The following RAPGEF5 variants were observed in gnomAD, a reference collection of about 807,000 sequenced individuals.
The protein encoded by RAPGEF5 is M-Ras-regulated GEF.
A neutral mutation model predicts 125.2 loss-of-function variants in RAPGEF5; 65 were observed. The observed-to-expected ratio is 0.52, with a 90% confidence interval of 0.43 to 0.64. The LOEUF (loss-of-function observed/expected upper bound fraction) is 0.64. Ranked by LOEUF, RAPGEF5 falls within the 30% of genes least tolerant of loss-of-function variation. The probability of loss-of-function intolerance (pLI) is 0.00; values close to 1 mark genes in which losing one functional copy is unlikely to be tolerated. For missense variants in RAPGEF5, 958 were observed against 1,048.1 expected, an observed-to-expected ratio of 0.91 and a Z score of 1.19; for synonymous variants, 391 against 385.9, an observed-to-expected ratio of 1.01 and a Z score of -0.16.
intron 6 of RAPGEF5, among the ~76,000 whole-genome samples, chr7:22,272,783 G>T (rs899569451): frequency 6.6e-6 from 1 of 152,156 alleles, no homozygotes; most frequent in East Asian, 1.9e-4. Flanking sequence ...TTGAGACAAG[G>T]TTTCGCTCTG....
At position 22,291,243 on chromosome 7, in the gene RAPGEF5, T is replaced by TG; in HGVS notation, c.681-3_681-2insC. 1 of 1,400,430 alleles carries TG rather than the reference T, an allele frequency of 7.1e-7. No individual in the cohort carries two copies. The highest frequency in any genetic ancestry group is 9.4e-7 in the Non-Finnish European group (1 of 1,059,212). 86.8% of individuals were successfully genotyped at this position (1,400,430 alleles called of 1,614,324 possible). ...GAGTCTTCAATTTTCTGATGAGACCTAAAAAAAAAAAAAAGAACAAATTAC... is the reference window on the plus strand; with the variant it reads ...GAGTCTTCAATTTTCTGATGAGACCTGAAAAAAAAAAAAAAGAACAAATTAC... On this transcript the variant is annotated splice_polypyrimidine_tract_variant and splice_region_variant and intron_variant, in intron 5 of 25. Transcript: ENST00000665637.
At position 22,146,934 on chromosome 7, in the gene RAPGEF5, A is replaced by C. The variant is rs373287798; in HGVS notation, c.1970T>G (p.Met657Arg). The change falls in exon 19 of 26, where the codon ATG (methionine) becomes AGG (arginine). Residue 657 changes from methionine to arginine, a missense_variant. Met to Arg is a moderately conservative substitution (Grantham distance 91). Coordinates refer to ENST00000665637, the MANE Select transcript of RAPGEF5 (RefSeq NM_012294.5). ...MNTWDLALEL[M>R]NFDWSLFNSI... ...ATTGAATAGACTCCAATCAAAATTCATTAATTCCAGAGCAAGATCCCAAGT... is the reference window on the plus strand; with the variant it reads ...ATTGAATAGACTCCAATCAAAATTCCTTAATTCCAGAGCAAGATCCCAAGT... 1.7e-5 allele frequency: 28 copies of C among 1,613,754 alleles called. No individual in the cohort carries two copies. The highest frequency in any genetic ancestry group is 2.2e-5 in the Non-Finnish European group (26 of 1,179,752).
chr7:22,222,268 A>C (rs1235018580), intron 8 of RAPGEF5, among the ~76,000 whole-genome samples: 1 of 152,196 alleles, frequency 6.6e-6, no homozygotes, highest in Non-Finnish European at 1.5e-5. Flanking sequence ...AGTTCCTTAC[A>C]TCCTGGAGCA....
chr7:22,199,942 C>A (rs1583476078), intron 9 of RAPGEF5, among the ~76,000 whole-genome samples: 1 of 152,164 alleles, frequency 6.6e-6, no homozygotes, highest in Non-Finnish European at 1.5e-5. Flanking sequence ...GAAGACGATT[C>A]TGGATCAAGA....
intron 1 of RAPGEF5, among the ~76,000 whole-genome samples, chr7:22,329,819 G>A (rs1322472612): frequency 6.6e-6 from 1 of 152,152 alleles, no homozygotes; most frequent in Non-Finnish European, 1.5e-5. Context: ...GAACACTCAG[G>A]GGGCCACAGG....
At chr7:22,145,911 T>C (rs992356744) in intron 19 of RAPGEF5, among the ~76,000 whole-genome samples, 4 of 152,168 alleles carry the variant, frequency 2.6e-5, no homozygotes, top group African/African-American at 9.7e-5. Flanking sequence ...ACTATTTATA[T>C]AGATGGACCA....
chr7:22,137,930 AT>A (rs35580101), intron 21 of RAPGEF5, among the ~76,000 whole-genome samples: 1 of 151,996 alleles, frequency 6.6e-6, no homozygotes. Flanking sequence ...TTAGAGATAG[AT>A]TTTTTTCGAT....
chr7:22,127,822 C>T (rs1250692074), intron 24 of RAPGEF5, among the ~76,000 whole-genome samples: 4 of 152,128 alleles, frequency 2.6e-5, no homozygotes, highest in Non-Finnish European at 5.9e-5. Context: ...AGAAGAAATA[C>T]AGAAATATTA....
chr7:22,234,855 C>T (rs1422953613), intron 7 of RAPGEF5, among the ~76,000 whole-genome samples: 1 of 151,646 alleles, frequency 6.6e-6, no homozygotes, highest in Non-Finnish European at 1.5e-5. Context: ...CAAAAAACAA[C>T]TCTGTCAGTA....
At chr7:22,224,784 G>C (rs1785877703) in intron 8 of RAPGEF5, among the ~76,000 whole-genome samples, 1 of 151,810 alleles carries the variant, frequency 6.6e-6, no homozygotes, top group Non-Finnish European at 1.5e-5. Context: ...ACTCGATTTG[G>C]AGACAGTCTG....
At chr7:22,204,926 T>C (rs1194939220) in intron 9 of RAPGEF5, among the ~76,000 whole-genome samples, 1 of 152,030 alleles carries the variant, frequency 6.6e-6, no homozygotes, top group African/African-American at 2.4e-5. Context: ...AAAGATGAAT[T>C]TGCTTGCATA....
At chr7:22,228,766 G>A (rs1172917795) in intron 8 of RAPGEF5, among the ~76,000 whole-genome samples, 1 of 151,114 alleles carries the variant, frequency 6.6e-6, no homozygotes, top group Non-Finnish European at 1.5e-5. Flanking sequence ...ACCTGCCTTG[G>A]CCTCCCAAAG....
chr7:22,160,544 T>C lies in RAPGEF5; in HGVS notation c.1500A>G (p.Gln500=), dbSNP rs1178656104. The C allele has an allele frequency of 6.5e-7, 1 of 1,548,778 alleles. No homozygotes were observed. Among genetic ancestry groups the C allele is most frequent in the East Asian group, 2.4e-5 (1 of 41,220 alleles). Residue 500 remains glutamine (Q), a synonymous_variant, in exon 14 of 26, where the codon CAA becomes CAG. Transcript: ENST00000665637. ...GACGACGGTGCATTCCAAGTATCTT[T>C]TGAAATTCTTTCAATTCTTTTTCAA... ...PILEKELKEF[Q]KILGMHRRHT...
chr7:22,330,433 T>C (rs1314520171), intron 1 of RAPGEF5, among the ~76,000 whole-genome samples: 4 of 152,278 alleles, frequency 2.6e-5, no homozygotes, highest in African/African-American at 4.8e-5. Context: ...TGATAACCTA[T>C]GGTAGGGAAA....
chr7:22,310,211 G>C, intron 3 of RAPGEF5, 121 bp from the exon 4 acceptor site: 2 of 1,081,208 alleles, frequency 1.8e-6, no homozygotes, highest in Non-Finnish European at 2.4e-6. Flanking sequence ...AGCAACCCAA[G>C]AATAAATGGC....
chr7:22,158,857 C>T (rs1246999202), intron 14 of RAPGEF5, among the ~76,000 whole-genome samples: 1 of 152,176 alleles, frequency 6.6e-6, no homozygotes, highest in African/African-American at 2.4e-5. Context: ...AACTCCTAAA[C>T]TCTTGGACAC....
intron 6 of RAPGEF5, among the ~76,000 whole-genome samples, chr7:22,287,775 G>T (rs1007900348): frequency 1.5e-4 from 23 of 152,298 alleles, no homozygotes; most frequent in Admixed American, 1.5e-3. Flanking sequence ...GTTATGAAGA[G>T]GTAGACTGAG....
At chr7:22,246,304 A>G (rs1445775639) in intron 7 of RAPGEF5, among the ~76,000 whole-genome samples, 1 of 152,212 alleles carries the variant, frequency 6.6e-6, no homozygotes, top group East Asian at 1.9e-4. Flanking sequence ...GCCAGAAGCC[A>G]TCATATTCAC....
At chr7:22,354,814 C>A (rs544887163) in intron 1 of RAPGEF5, among the ~76,000 whole-genome samples, 20 of 152,314 alleles carry the variant, frequency 1.3e-4, no homozygotes, top group African/African-American at 4.6e-4. Flanking sequence ...AATCAGCCTA[C>A]ACATTGATCT....
Sources: gnomAD v4.1 joint callset for allele counts (sites outside exome capture counted in the v4.1 genomes callset) on GRCh38, gnomAD v4.1.1 for gene constraint, MANE v1.5 for transcripts, NCBI Gene and HGNC (gene_info 2026-07-23, HGNC 2026-07-21) for gene names.